The following SAMD5 variants were observed in gnomAD, a reference collection of about 807,000 sequenced individuals.
The protein encoded by SAMD5 is sterile alpha motif domain containing 5, also known as sterile alpha motif domain-containing protein 5.
Under a neutral mutation model 11.3 loss-of-function variants are expected in SAMD5, and 13 were observed. The observed-to-expected ratio is 1.15, with a 90% CI of 0.75 to 1.83. The LOEUF (loss-of-function observed/expected upper bound fraction) is 1.83, where lower values mean the gene tolerates loss of function less well. SAMD5 is among the 40% of genes most tolerant of loss of function. The pLI is 0.00. For missense variants in SAMD5, 255 were observed against 239.1 expected (o/e 1.07, Z -0.44); for synonymous variants, 129 against 111.3 (o/e 1.16, Z -1.00).
the SAMD5 span, among the ~76,000 whole-genome samples, chr6:147,766,165 T>C: frequency 6.1e-5 from 9 of 148,042 alleles, no homozygotes; most frequent in Admixed American, 6.0e-4. Context: ...TTCTAATAAG[T>C]AGGAAAAAAG....
chr6:147,737,601 A>T (rs2128460492), downstream of SAMD5: 1 of 162,274 alleles, frequency 6.2e-6, no homozygotes, highest in Non-Finnish European at 1.4e-5. Flanking sequence ...GTTTTAAAAT[A>T]AGAATAATCC....
At chr6:147,570,592 T>C (rs1408065730), downstream of SAMD5, among the ~76,000 whole-genome samples, 1 of 152,206 alleles carries the variant, frequency 6.6e-6, no homozygotes, top group African/African-American at 2.4e-5. Context: ...TGAAGAAGTT[T>C]TATCACAGTG....
intron 1 of SAMD5, among the ~76,000 whole-genome samples, chr6:147,596,777 C>T (rs188570445): frequency 2.6e-5 from 4 of 152,292 alleles, no homozygotes; most frequent in African/African-American, 7.2e-5. Context: ...CATTTGTACA[C>T]ATCTGCTTCA....
chr6:147,763,706 C>A, the SAMD5 span, among the ~76,000 whole-genome samples: 1 of 152,092 alleles, frequency 6.6e-6, no homozygotes, highest in South Asian at 2.1e-4. Flanking sequence ...CCTCAGCCTC[C>A]TGAGTAGCTG....
chr6:147,669,976 A>G (rs758948400), intron 1 of SAMD5, among the ~76,000 whole-genome samples: 1 of 152,220 alleles, frequency 6.6e-6, no homozygotes, highest in Non-Finnish European at 1.5e-5. Context: ...AGGAATCACA[A>G]TCTTTGGAAG....
chr6:147,576,511 G>A (rs181093522), intron 1 of SAMD5, among the ~76,000 whole-genome samples: 146 of 152,218 alleles, frequency 9.6e-4, no homozygotes, highest in African/African-American at 3.5e-3. Flanking sequence ...AGTCTGTGTG[G>A]TACAGTGGAA....
the SAMD5 span, among the ~76,000 whole-genome samples, chr6:147,840,471 C>A: frequency 1.3e-5 from 2 of 152,172 alleles, no homozygotes; most frequent in East Asian, 3.9e-4. Context: ...GTATTCCTGG[C>A]AACCCAAACA....
the SAMD5 span, among the ~76,000 whole-genome samples, chr6:147,917,541 T>A: frequency 7.2e-5 from 11 of 152,256 alleles, no homozygotes; most frequent in East Asian, 1.9e-3. Context: ...TCTTTTGCTG[T>A]GCAGAAGCTC....
the SAMD5 span, among the ~76,000 whole-genome samples, chr6:147,832,134 G>A: frequency 6.6e-6 from 1 of 152,090 alleles, no homozygotes; most frequent in Non-Finnish European, 1.5e-5. Context: ...TAGGATGAAA[G>A]CAATCGTTGC....
the SAMD5 span, among the ~76,000 whole-genome samples, chr6:147,900,337 A>T: frequency 3.6e-3 from 543 of 152,332 alleles, 1 homozygote; most frequent in Non-Finnish European, 5.5e-3. Flanking sequence ...ATCAGCCATG[A>T]TACACTCTGA....
intron 1 of SAMD5, among the ~76,000 whole-genome samples, chr6:147,627,779 G>A (rs112075239): frequency 0.029 from 4,399 of 152,132 alleles, 195 homozygotes; most frequent in African/African-American, 0.099. Context: ...AGCATTGCTC[G>A]CCGTATACCT....
At chr6:147,645,412 A>C (rs1286161119) in intron 1 of SAMD5, among the ~76,000 whole-genome samples, 1 of 152,128 alleles carries the variant, frequency 6.6e-6, no homozygotes, top group East Asian at 1.9e-4. Context: ...TATAATTTTA[A>C]AGCAAAAAGA....
chr6:147,643,635 TAA>T (rs1416171097), intron 1 of SAMD5, among the ~76,000 whole-genome samples: 1 of 152,088 alleles, frequency 6.6e-6, no homozygotes, highest in East Asian at 1.9e-4. Flanking sequence ...TCTGCTCCAG[TAA>T]AGTGTATAGT....
the SAMD5 span, among the ~76,000 whole-genome samples, chr6:147,777,882 A>G: frequency 6.6e-6 from 1 of 152,212 alleles, no homozygotes; most frequent in Non-Finnish European, 1.5e-5. Context: ...CATTGTATGT[A>G]TATAGCCCAT....
chr6:147,832,028 G>T, the SAMD5 span, among the ~76,000 whole-genome samples: 2 of 151,890 alleles, frequency 1.3e-5, no homozygotes, highest in African/African-American at 4.8e-5. Context: ...AAATCAGTAG[G>T]CTAATATTAA....
At chr6:147,836,930 C>T in the SAMD5 span, among the ~76,000 whole-genome samples, 1 of 152,138 alleles carries the variant, frequency 6.6e-6, no homozygotes, top group Non-Finnish European at 1.5e-5. Context: ...AGATATTTTG[C>T]TCATTGCTGG....
chr6:147,742,162 TGTG>T, downstream of SAMD5, among the ~76,000 whole-genome samples: 1 of 152,256 alleles, frequency 6.6e-6, no homozygotes, highest in East Asian at 1.9e-4. Flanking sequence ...ACAACAAAAT[TGTG>T]GTAGTATTAT....
chr6:147,934,105 G>C, the SAMD5 span, among the ~76,000 whole-genome samples: 1 of 152,132 alleles, frequency 6.6e-6, no homozygotes, highest in African/African-American at 2.4e-5. Context: ...ATTTATCCTT[G>C]TATTATAAGC....
chr6:147,926,646 T>A, the SAMD5 span, among the ~76,000 whole-genome samples: 1 of 152,332 alleles, frequency 6.6e-6, no homozygotes, highest in South Asian at 2.1e-4. Context: ...CTGTTGATAG[T>A]TTCTTCTGCT....
Sources: allele counts gnomAD v4.1 joint callset (sites outside exome capture counted in the v4.1 genomes callset), GRCh38; gene constraint gnomAD v4.1.1; transcripts MANE v1.5; gene names NCBI Gene and HGNC (gene_info 2026-07-23, HGNC 2026-07-21).